GFRA1: variants seen among roughly 807,000 people sequenced by gnomAD.
GFRA1 encodes GDNF family receptor alpha-1.
In GFRA1, 16 loss-of-function variants were observed where a neutral mutation model predicts 51.6. That is an observed-to-expected ratio of 0.31 (90% CI 0.21 to 0.47). The LOEUF is 0.47. Among genes scored for constraint, GFRA1 ranks in the 20% least tolerant of loss-of-function variants. The pLI is 1.00. For synonymous variants in GFRA1, 270 were observed against 241.3 expected (o/e 1.12, Z -1.10); for missense variants, 530 against 594.3 (o/e 0.89, Z 1.13).
chr10:116,250,682 A>G (rs1968264899), intron 4 of GFRA1, among the ~76,000 whole-genome samples: 1 of 152,212 alleles, frequency 6.6e-6, no homozygotes, highest in South Asian at 2.1e-4. Flanking sequence ...AGTGAAACGC[A>G]GCCAGATACT....
At chr10:116,105,399 A>C (rs1437509876) in intron 6 of GFRA1, among the ~76,000 whole-genome samples, 1 of 152,154 alleles carries the variant, frequency 6.6e-6, no homozygotes, top group Non-Finnish European at 1.5e-5. Flanking sequence ...CTTCATGGAG[A>C]ATTCAGCAGC....
chr10:116,099,902 T>A (rs920010225), intron 6 of GFRA1, among the ~76,000 whole-genome samples: 1 of 152,260 alleles, frequency 6.6e-6, no homozygotes, highest in Non-Finnish European at 1.5e-5. Context: ...TTACTTTGTA[T>A]GACAGCAAAA....
At chr10:116,087,702 G>A (rs1415059604) in intron 9 of GFRA1, among the ~76,000 whole-genome samples, 1 of 152,072 alleles carries the variant, frequency 6.6e-6, no homozygotes, top group Non-Finnish European at 1.5e-5. Flanking sequence ...TGTCTTTACC[G>A]ACACCAGAAT....
intron 9 of GFRA1, among the ~76,000 whole-genome samples, chr10:116,077,688 C>T (rs1160522887): frequency 2.0e-5 from 3 of 152,192 alleles, no homozygotes; most frequent in East Asian, 1.9e-4. Flanking sequence ...AAGTTTGCTA[C>T]AATGCAAACA....
chr10:116,196,846 T>C (rs944098453), intron 5 of GFRA1, among the ~76,000 whole-genome samples: 8 of 81,084 alleles, frequency 9.9e-5, no homozygotes, highest in African/African-American at 3.2e-4. Flanking sequence ...TATATATATA[T>C]ATTTTTTTTC....
chr10:116,164,237 G>A (rs943470975), intron 5 of GFRA1, among the ~76,000 whole-genome samples: 3 of 151,474 alleles, frequency 2.0e-5, no homozygotes, highest in African/African-American at 7.3e-5. Context: ...TGTTCTGTAA[G>A]AATTAACTGC....
intron 9 of GFRA1, among the ~76,000 whole-genome samples, chr10:116,074,033 G>A (rs746928348): frequency 2.7e-4 from 41 of 152,202 alleles, no homozygotes; most frequent in Non-Finnish European, 5.4e-4. Flanking sequence ...GGAAAACCAA[G>A]TAGATGAATA....
chr10:116,125,641 T>G, intron 5 of GFRA1, 84 bp from the exon 6 acceptor site: 1 of 1,082,716 alleles, frequency 9.2e-7, no homozygotes, highest in Non-Finnish European at 1.4e-6. Context: ...GATCCTGCCA[T>G]TTATCTGGCA....
At chr10:116,103,870 A>G (rs1956906378) in intron 6 of GFRA1, among the ~76,000 whole-genome samples, 1 of 152,136 alleles carries the variant, frequency 6.6e-6, no homozygotes, top group Non-Finnish European at 1.5e-5. Flanking sequence ...TATTAAATAC[A>G]TTTTGCAGGG....
At chr10:116,082,249 G>C (rs1955881680) in intron 9 of GFRA1, among the ~76,000 whole-genome samples, 1 of 152,136 alleles carries the variant, frequency 6.6e-6, no homozygotes, top group South Asian at 2.1e-4. Flanking sequence ...CCAAGAGGCA[G>C]GTAAGTCAGA....
intron 9 of GFRA1, among the ~76,000 whole-genome samples, chr10:116,070,727 A>C (rs937598529): frequency 1.1e-4 from 16 of 151,264 alleles, no homozygotes; most frequent in Admixed American, 6.6e-4. Context: ...AATCCAAGCT[A>C]AGTAACGGTG....
At chr10:116,077,919 A>C (rs1748976757) in intron 9 of GFRA1, among the ~76,000 whole-genome samples, 2 of 152,202 alleles carry the variant, frequency 1.3e-5, no homozygotes, top group Non-Finnish European at 2.9e-5. Context: ...AGGGCCCCGG[A>C]GATTAAGAAA....
chr10:116,267,773 C>A (rs1211085788), intron 4 of GFRA1, among the ~76,000 whole-genome samples: 4 of 152,162 alleles, frequency 2.6e-5, no homozygotes, highest in African/African-American at 9.7e-5. Context: ...TTTGTCTGTA[C>A]CTCTCCTCTC....
chr10:116,093,638 T>C, intron 8 of GFRA1, 64 bp downstream of exon 8: 2 of 1,452,712 alleles, frequency 1.4e-6, no homozygotes, highest in South Asian at 2.3e-5. Flanking sequence ...GTACAAGAGG[T>C]ACAGCTGGAG....
intron 4 of GFRA1, among the ~76,000 whole-genome samples, chr10:116,247,991 T>C (rs76634275): frequency 0.011 from 1,666 of 152,280 alleles, 19 homozygotes; most frequent in African/African-American, 0.029. Context: ...TAAAATGATA[T>C]GGTTTTAAAA....
intron 4 of GFRA1, among the ~76,000 whole-genome samples, chr10:116,258,379 A>ATT (rs1969043278): frequency 3.0e-3 from 6 of 2,020 alleles, no homozygotes; most frequent in African/African-American, 3.2e-3. Flanking sequence ...AATAATATCT[A>ATT]ATATATTAAT....
In GFRA1 at chr10:116,126,759, C is replaced by T. The variant is rs183274798; in HGVS notation, c.434-1202G>A. On this transcript the variant is annotated intron_variant, in intron 5 of 10. Coordinates refer to ENST00000355422, the MANE Select transcript of GFRA1 (RefSeq NM_005264.8). ...GACCTCCTTTCATTCTGCTTATGTG[C>T]CCCCAGTTGATAGGGACCAGGAAGG... is the stretch of plus-strand genomic sequence containing the variant. Among the ~76,000 whole-genome samples the T allele has an allele frequency of 6.6e-5, 10 of 152,188 alleles. No individual in the cohort carries two copies. In the East Asian group the frequency reaches 1.7e-3, roughly 27 times the overall value.
chr10:116,255,504 A>C (rs1185502174), intron 4 of GFRA1: 5 of 973,116 alleles, frequency 5.1e-6, no homozygotes, highest in Admixed American at 4.0e-5. Context: ...GGAAAAAAAA[A>C]AACAAAAAAA....
At chr10:116,214,405 C>T (rs1335738733) in intron 4 of GFRA1, among the ~76,000 whole-genome samples, 3 of 152,180 alleles carry the variant, frequency 2.0e-5, no homozygotes, top group Non-Finnish European at 4.4e-5. Context: ...AAGCTCCTAC[C>T]TACGAGGGAG....
Sources: allele counts gnomAD v4.1 joint callset (sites outside exome capture counted in the v4.1 genomes callset), GRCh38; gene constraint gnomAD v4.1.1; transcripts MANE v1.5; gene names NCBI Gene and HGNC (gene_info 2026-07-23, HGNC 2026-07-21).